ZNF28: variants seen among roughly 807,000 people sequenced by gnomAD.
ZNF28 encodes the protein zinc finger protein KOX24.
ZNF28 carries 5 observed loss-of-function variants against 7.2 expected under a neutral mutation model. The ratio of observed to expected loss-of-function variants is 0.70; its 90% confidence interval spans 0.36 to 1.46. The LOEUF (loss-of-function observed/expected upper bound fraction) is 1.46, where lower values mean the gene tolerates loss of function less well. Among genes scored for constraint, ZNF28 ranks in the 40% most tolerant of loss-of-function variants. The pLI, the probability that ZNF28 is intolerant of heterozygous loss-of-function variation, is 0.03. For synonymous variants in ZNF28, 288 were observed against 292.4 expected, an observed-to-expected ratio of 0.99 and a Z score of 0.15; for missense variants, 879 against 866.6, an observed-to-expected ratio of 1.01 and a Z score of -0.18.
chr19:52,817,425 G>C (rs1198792622), intron 2 of ZNF28, among the ~76,000 whole-genome samples: 1 of 152,130 alleles, frequency 6.6e-6, no homozygotes, highest in Non-Finnish European at 1.5e-5. Context: ...ATCTATGTAT[G>C]AACATTCCAT....
Position 52,800,541 on chromosome 19 carries a change from C to A in ZNF28, c.1304G>T (p.Gly435Val), listed in dbSNP as rs1568645830. The A allele has an allele frequency of 6.2e-7, 1 of 1,613,380 alleles. No individual in the cohort carries two copies. The highest frequency in any genetic ancestry group is 1.3e-5 in the African/African-American group (1 of 74,808). ...TTCATTACACTTGTAAGGCTTCTCT[C>A]CAGTGTGAATTATACTATGTTTTGC... is the stretch of plus-strand genomic sequence containing the variant. ...YLAKHSIIHT[G>V]EKPYKCNECG... Residue 435 changes from glycine (G) to valine (V), a missense_variant, in exon 4 of 4, where the codon GGA becomes GTA. By Grantham distance (109) the Gly-to-Val change is moderately radical. Transcript: ENST00000457749.
At chr19:52,817,096 G>T (rs28712529) in intron 2 of ZNF28, among the ~76,000 whole-genome samples, 1 of 151,758 alleles carries the variant, frequency 6.6e-6, no homozygotes, top group Non-Finnish European at 1.5e-5. Flanking sequence ...GAATAGGCCA[G>T]GAACGGTGGC....
intron 2 of ZNF28, among the ~76,000 whole-genome samples, chr19:52,814,746 A>G (rs61645520): frequency 0.066 from 9,565 of 145,730 alleles, 1,416 homozygotes; most frequent in African/African-American, 0.14. Flanking sequence ...AATTATCTGG[A>G]CATGGTGGCA....
chr19:52,817,148 G>A (rs151163917), intron 2 of ZNF28, among the ~76,000 whole-genome samples: 11 of 152,148 alleles, frequency 7.2e-5, no homozygotes, highest in African/African-American at 2.4e-4. Context: ...CAAAGTAGGC[G>A]GATCGCCTGA....
At chr19:52,807,894 A>C in intron 3 of ZNF28, 113 bp downstream of exon 3, 1 of 1,525,152 alleles carries the variant, frequency 6.6e-7, no homozygotes, top group East Asian at 2.3e-5. Flanking sequence ...GAAGCTTTTC[A>C]TTTCAAAATC....
chr19:52,798,735 G>C lies in ZNF28; in HGVS notation c.*953C>G. 1.9e-6 allele frequency: 1 copy of C among 516,738 alleles called. No individual in the cohort carries two copies. Among genetic ancestry groups the C allele is most frequent in the Admixed American group, 2.4e-5 (1 of 41,704 alleles). The allele number at this position is 516,738 out of a possible 1,614,324, so 32.0% of individuals were successfully genotyped here. On this transcript the variant is annotated 3_prime_UTR_variant, in exon 4 of 4. Coordinates refer to ENST00000457749, the MANE Select transcript of ZNF28 (RefSeq NM_006969.5). ...CGATGATGAATAGCAATATATGAAC[G>C]ATATCTGAAAAATCTGTCACATTTA...
chr19:52,803,640 G>C (rs895727842), intron 3 of ZNF28, among the ~76,000 whole-genome samples: 3 of 152,112 alleles, frequency 2.0e-5, no homozygotes, highest in Admixed American at 2.0e-4. Flanking sequence ...TGATATATGA[G>C]GTCAAGAAAG....
chr19:52,817,275 G>C (rs1156887092), intron 2 of ZNF28, among the ~76,000 whole-genome samples: 3 of 152,060 alleles, frequency 2.0e-5, no homozygotes, highest in African/African-American at 7.2e-5. Context: ...GGGAGGCTGA[G>C]GCAGGAGAAT....
Position 52,801,717 on chromosome 19 carries a change from C to T in ZNF28, c.143-15G>A, listed in dbSNP as rs535265074. ...GGAAGAGATATCTACAAAATATAAA[C>T]ACCAATAGGTTTCCAATGAAGTACA... is the stretch of plus-strand genomic sequence containing the variant. On this transcript the variant is annotated splice_polypyrimidine_tract_variant and intron_variant, in intron 3 of 3. Coordinates refer to ENST00000457749, the MANE Select transcript of ZNF28 (RefSeq NM_006969.5). 4 of 1,603,324 alleles carry T rather than the reference C, an allele frequency of 2.5e-6. No individual in the cohort carries two copies. The highest frequency in any genetic ancestry group is 1.3e-5 in the African/African-American group (1 of 74,550).
In ZNF28 at chr19:52,798,115, C is replaced by T. The variant is rs1039859408; in HGVS notation, c.*1573G>A. On this transcript the variant is annotated 3_prime_UTR_variant, in exon 4 of 4. Transcript: ENST00000457749. ...CCAACCTGGATGACAGAGCAAGAGA[C>T]TCCATCTCAAAAACAAAAACAAAAA... The T allele has an allele frequency of 6.3e-6, 1 of 159,270 alleles. No individual in the cohort carries two copies. Among genetic ancestry groups the T allele is most frequent in the African/African-American group, 2.4e-5 (1 of 41,354 alleles). 9.9% of individuals were successfully genotyped at this position (159,270 alleles called of 1,614,324 possible).
At chr19:52,804,361 T>G (rs1423818594) in intron 3 of ZNF28, among the ~76,000 whole-genome samples, 1 of 152,140 alleles carries the variant, frequency 6.6e-6, no homozygotes, top group Non-Finnish European at 1.5e-5. Context: ...AGTGGCATGA[T>G]TCTCCTACCT....
chr19:52,800,748 C>CT lies in ZNF28; in HGVS notation c.1096_1097insA (p.Arg366GlnfsTer10). 2 of 1,596,640 alleles carry CT rather than the reference C, an allele frequency of 1.3e-6. No homozygotes were observed. Among genetic ancestry groups the CT allele is most frequent in the East Asian group, 4.5e-5 (2 of 44,146 alleles). ...ACGATGGCGTGCAAGGGTTGACAGT[C>CT]GATTAAAAACCTTGCCACATTCATT... On this transcript the variant is annotated frameshift_variant, in exon 4 of 4. Coordinates refer to ENST00000457749, the MANE Select transcript of ZNF28 (RefSeq NM_006969.5). LOFTEE classifies it low-confidence loss of function (END_TRUNC).
At chr19:52,810,418 G>A in intron 2 of ZNF28, 5 of 1,604,176 alleles carry the variant, frequency 3.1e-6, no homozygotes, top group Non-Finnish European at 4.3e-6. Flanking sequence ...GACAAATTTA[G>A]TGGCCATCCC....
chr19:52,805,937 A>T (rs2062931865), intron 3 of ZNF28: 1 of 152,162 alleles, frequency 6.6e-6, no homozygotes, highest in African/African-American at 2.4e-5. Context: ...CTGAGATCGC[A>T]GCATCGTACT....
chr19:52,797,458 G>A lies in ZNF28; in HGVS notation c.*2230C>T, dbSNP rs1280357061. 6.6e-6 allele frequency: 1 copy of A among 152,202 alleles called. No individual in the cohort carries two copies. Among genetic ancestry groups the A allele is most frequent in the African/African-American group, 2.4e-5 (1 of 41,452 alleles). 9.4% of individuals were successfully genotyped at this position (152,202 alleles called of 1,614,324 possible). Reference sequence around the variant, plus strand: ...TTTGTTTGTAGATGACATGATCTGTGAAGAAAATCACAGTCAACCAAAATA... The same window carrying A: ...TTTGTTTGTAGATGACATGATCTGTAAAGAAAATCACAGTCAACCAAAATA... On this transcript the variant is annotated 3_prime_UTR_variant, in exon 4 of 4. Coordinates refer to ENST00000457749, the MANE Select transcript of ZNF28 (RefSeq NM_006969.5).
chr19:52,803,257 A>C (rs1912189128), intron 3 of ZNF28, among the ~76,000 whole-genome samples: 1 of 151,456 alleles, frequency 6.6e-6, no homozygotes, highest in South Asian at 2.1e-4. Flanking sequence ...TTGTATTTTT[A>C]GTAGAGATGG....
chr19:52,809,302 A>C (rs1399439722), intron 2 of ZNF28, among the ~76,000 whole-genome samples: 1 of 152,208 alleles, frequency 6.6e-6, no homozygotes, highest in Admixed American at 6.5e-5. Flanking sequence ...TACAGGGAAA[A>C]GTTGCAAAGG....
chr19:52,812,127 G>A (rs1183269838), intron 2 of ZNF28, among the ~76,000 whole-genome samples: 2 of 115,046 alleles, frequency 1.7e-5, no homozygotes, highest in Admixed American at 8.2e-5. Context: ...CAGCCGCCCC[G>A]TCCGGGAGGG....
chr19:52,810,486 A>G, intron 2 of ZNF28: 1 of 1,585,430 alleles, frequency 6.3e-7, no homozygotes, highest in Non-Finnish European at 8.7e-7. Flanking sequence ...TTGGCCTTGG[A>G]TGAGTCCCTA....
Sources: allele counts gnomAD v4.1 joint callset (sites outside exome capture counted in the v4.1 genomes callset), GRCh38; gene constraint gnomAD v4.1.1; transcripts MANE v1.5; gene names NCBI Gene and HGNC (gene_info 2026-07-23, HGNC 2026-07-21).